Variants in KLF8 observed in about 807,000 individuals in gnomAD.
KLF8 encodes KLF transcription factor 8.
A neutral mutation model predicts 18.2 loss-of-function variants in KLF8; 10 were observed. That is an observed-to-expected ratio of 0.55 (90% CI 0.34 to 0.93). The LOEUF is 0.93. Among genes scored for constraint, KLF8 ranks in the 40% least tolerant of loss-of-function variants. KLF8 has a pLI of 0.02. For synonymous variants in KLF8, 109 were observed against 97.3 expected, an observed-to-expected ratio of 1.12 and a Z score of -0.71; for missense variants, 264 against 277.9, an observed-to-expected ratio of 0.95 and a Z score of 0.36.
At chrX:56,010,509 C>T in the KLF8 span, among the ~76,000 whole-genome samples, 3 of 111,733 alleles carry the variant, frequency 2.7e-5, no homozygotes, top group African/African-American at 9.8e-5. Flanking sequence ...TACAAAAACA[C>T]AATGAAATAC....
chrX:56,149,931 T>G, the KLF8 span, among the ~76,000 whole-genome samples: 1 of 111,099 alleles, frequency 9.0e-6, no homozygotes, highest in Non-Finnish European at 1.9e-5. Context: ...TTTATAAACT[T>G]TAGAGACTTC....
the KLF8 span, among the ~76,000 whole-genome samples, chrX:55,918,741 C>CGTGT: frequency 9.3e-5 from 10 of 107,718 alleles, no homozygotes; most frequent in East Asian, 1.2e-3. Flanking sequence ...TGAGCGTGTC[C>CGTGT]GTGTGTGTGT....
At chrX:56,042,149 A>G in the KLF8 span, among the ~76,000 whole-genome samples, 1 of 112,205 alleles carries the variant, frequency 8.9e-6, no homozygotes, top group Non-Finnish European at 1.9e-5. Flanking sequence ...GGAGTCATTC[A>G]GGAGCAGGTT....
chrX:56,276,838 C>T (rs1436617284), intron 5 of KLF8, among the ~76,000 whole-genome samples: 1 of 111,430 alleles, frequency 9.0e-6, no homozygotes, highest in Non-Finnish European at 1.9e-5. Context: ...AATATTTCTA[C>T]CCCTATCTCT....
At chrX:56,040,773 G>T in the KLF8 span, among the ~76,000 whole-genome samples, 1 of 57,236 alleles carries the variant, frequency 1.7e-5, no homozygotes, top group African/African-American at 5.6e-5. Flanking sequence ...CAATTTTTTG[G>T]TATAGTTTCA....
chrX:55,938,842 G>T, the KLF8 span, among the ~76,000 whole-genome samples: 5 of 111,698 alleles, frequency 4.5e-5, no homozygotes, highest in Non-Finnish European at 9.4e-5. Flanking sequence ...AAATATATAT[G>T]CACCCAATAC....
At chrX:56,029,688 G>T in the KLF8 span, among the ~76,000 whole-genome samples, 1 of 111,871 alleles carries the variant, frequency 8.9e-6, no homozygotes, top group Non-Finnish European at 1.9e-5. Flanking sequence ...GCATCACCTT[G>T]CTTCTCTTTT....
the KLF8 span, among the ~76,000 whole-genome samples, chrX:55,989,483 C>T: frequency 8.9e-6 from 1 of 112,257 alleles, no homozygotes; most frequent in Non-Finnish European, 1.9e-5. Flanking sequence ...GTCTTTGGTT[C>T]TGTTTATATT....
chrX:56,215,990 T>A, the KLF8 span, among the ~76,000 whole-genome samples: 57 of 109,148 alleles, frequency 5.2e-4, no homozygotes, highest in African/African-American at 1.9e-3. Flanking sequence ...ATGTTTTTTT[T>A]AATTGTTTCT....
At chrX:56,171,521 C>T in the KLF8 span, among the ~76,000 whole-genome samples, 1 of 110,674 alleles carries the variant, frequency 9.0e-6, no homozygotes, top group Non-Finnish European at 1.9e-5. Flanking sequence ...TATCCCTCCC[C>T]CTCCCTGAAC....
the KLF8 span, among the ~76,000 whole-genome samples, chrX:56,015,851 C>T: frequency 8.9e-6 from 1 of 111,767 alleles, no homozygotes; most frequent in Non-Finnish European, 1.9e-5. Flanking sequence ...AAATTAGAAG[C>T]CAAAATGGAA....
At chrX:56,190,934 C>G in the KLF8 span, among the ~76,000 whole-genome samples, 16 of 110,057 alleles carry the variant, frequency 1.5e-4, no homozygotes, top group Non-Finnish European at 2.9e-4. Flanking sequence ...CAAACAAAAC[C>G]CCAAATTAGT....
chrX:56,032,025 C>G, the KLF8 span, among the ~76,000 whole-genome samples: 1 of 110,972 alleles, frequency 9.0e-6, no homozygotes, highest in Admixed American at 9.5e-5. Flanking sequence ...ACATCGGTTG[C>G]TAGGTCATGG....
the KLF8 span, among the ~76,000 whole-genome samples, chrX:56,197,222 C>T: frequency 9.2e-6 from 1 of 108,168 alleles, no homozygotes; most frequent in African/African-American, 3.4e-5. Flanking sequence ...TAGCAGAAGG[C>T]AAGAAATAAC....
At chrX:56,271,920 G>A (rs2067062499) in intron 5 of KLF8, among the ~76,000 whole-genome samples, 1 of 111,549 alleles carries the variant, frequency 9.0e-6, no homozygotes, top group African/African-American at 3.3e-5. Context: ...GGTCCCAAGT[G>A]TAGGCAGGTT....
chrX:56,275,766 C>CT (rs779583388), intron 5 of KLF8, among the ~76,000 whole-genome samples: 2 of 112,605 alleles, frequency 1.8e-5, no homozygotes, highest in South Asian at 7.3e-4. Context: ...TGGTTTTTAT[C>CT]TTTCATTCTG....
the KLF8 span, among the ~76,000 whole-genome samples, chrX:56,018,459 T>C: frequency 8.0e-5 from 9 of 111,851 alleles, no homozygotes; most frequent in South Asian, 1.5e-3. Flanking sequence ...GAGTTTTTTC[T>C]ATTTATGTGT....
the KLF8 span, among the ~76,000 whole-genome samples, chrX:56,102,273 T>C: frequency 9.0e-6 from 1 of 111,426 alleles, no homozygotes. Flanking sequence ...CATGTGGCTT[T>C]ATTTCTATAG....
intron 1 of KLF8, among the ~76,000 whole-genome samples, chrX:56,244,748 A>C (rs2147589489): frequency 8.9e-6 from 1 of 112,278 alleles, no homozygotes; most frequent in South Asian, 3.7e-4. Context: ...TGTGCAATAA[A>C]ATTGTCTGAA....
Sources: allele counts gnomAD v4.1 joint callset (sites outside exome capture counted in the v4.1 genomes callset), GRCh38; gene constraint gnomAD v4.1.1; transcripts MANE v1.5; gene names NCBI Gene and HGNC (gene_info 2026-07-23, HGNC 2026-07-21).